BABAM2: variants seen among roughly 807,000 people sequenced by gnomAD.
BABAM2 encodes BRISC and BRCA1-A complex member 2.
Under a neutral mutation model 54.7 loss-of-function variants are expected in BABAM2, and 31 were observed. That is an observed-to-expected ratio of 0.57 (90% CI 0.43 to 0.77). The LOEUF is 0.77. Among genes scored for constraint, BABAM2 ranks in the 30% least tolerant of loss-of-function variants. BABAM2 has a pLI of 0.00. For synonymous variants in BABAM2, 167 were observed against 162.9 expected (o/e 1.03, Z -0.19); for missense variants, 364 against 455.8 (o/e 0.80, Z 1.83).
At chr2:28,120,361 A>G (rs1340341151) in intron 6 of BABAM2, among the ~76,000 whole-genome samples, 1 of 152,212 alleles carries the variant, frequency 6.6e-6, no homozygotes, top group African/African-American at 2.4e-5. Flanking sequence ...TCTTTCCTGC[A>G]TGTGAGTTTC....
At chr2:28,068,109 A>G (rs1199890840) in intron 6 of BABAM2, among the ~76,000 whole-genome samples, 1 of 152,160 alleles carries the variant, frequency 6.6e-6, no homozygotes, top group East Asian at 1.9e-4. Flanking sequence ...TAAAAGAAAC[A>G]TAAAAGGGAA....
intron 7 of BABAM2, among the ~76,000 whole-genome samples, chr2:28,191,047 T>C (rs1274428352): frequency 6.6e-6 from 1 of 151,752 alleles, no homozygotes; most frequent in Non-Finnish European, 1.5e-5. Flanking sequence ...GAGGAGAAAA[T>C]TGCAAAACAT....
At position 28,335,154 on chromosome 2, in the gene BABAM2, CTTTTTTTTTTTTT is replaced by C. The variant is rs56135926; in HGVS notation, c.1089-3281_1089-3269del. 4.2e-5 allele frequency among the ~76,000 whole-genome samples: 3 copies of C among 71,520 alleles called. 1 individual carries two copies. In the South Asian group the frequency reaches 1.8e-3, roughly 42 times the overall value. The allele number at this position is 71,520 out of a possible 152,430, so 46.9% of individuals were successfully genotyped here. A position where few individuals can be genotyped will look rare whatever the true frequency, so the allele number is the denominator to read the frequency against. On this transcript the variant is annotated intron_variant, in intron 11 of 11. Transcript: ENST00000379624. Reference sequence around the variant, plus strand: ...CTGGAGCTGCTGTCTCTCCCACCTTCTTTTTTTTTTTTTTTTTTTTTTTTTTTGAGACAGAGTC... The same window carrying C: ...CTGGAGCTGCTGTCTCTCCCACCTTCTTTTTTTTTTTTTTGAGACAGAGTC...
chr2:28,241,546 G>A (rs1372316524), intron 9 of BABAM2, among the ~76,000 whole-genome samples, 153 bp downstream of exon 9: 3 of 151,956 alleles, frequency 2.0e-5, no homozygotes, highest in Non-Finnish European at 4.4e-5. Flanking sequence ...CCAGGCTGGA[G>A]TGTAATGACA....
At chr2:28,229,636 G>A (rs1681196447) in intron 7 of BABAM2, among the ~76,000 whole-genome samples, 1 of 150,410 alleles carries the variant, frequency 6.6e-6, no homozygotes, top group Non-Finnish European at 1.5e-5. Context: ...CCAAGCTGGA[G>A]TACAGTGGCA....
intron 10 of BABAM2, among the ~76,000 whole-genome samples, chr2:28,266,456 C>A (rs1684996985): frequency 6.6e-6 from 1 of 152,220 alleles, no homozygotes; most frequent in African/African-American, 2.4e-5. Flanking sequence ...AGCTCTTCTT[C>A]ATTCATAAAT....
At chr2:28,338,326 C>G in intron 11 of BABAM2, 124 bp from the exon 12 acceptor site, 1 of 918,472 alleles carries the variant, frequency 1.1e-6, no homozygotes. Context: ...AAGGCAAATC[C>G]AACCCAAGAT....
At chr2:28,254,412 C>T (rs1452068150) in intron 10 of BABAM2, among the ~76,000 whole-genome samples, 1 of 152,098 alleles carries the variant, frequency 6.6e-6, no homozygotes, top group Admixed American at 6.5e-5. Flanking sequence ...GCTGGGATTA[C>T]AGGCATGAGC....
intron 10 of BABAM2, among the ~76,000 whole-genome samples, chr2:28,269,744 C>T (rs1379866804): frequency 6.6e-6 from 1 of 152,086 alleles, no homozygotes; most frequent in Non-Finnish European, 1.5e-5. Context: ...CTCCAGAGCC[C>T]ATAAAAGGGA....
intron 7 of BABAM2, among the ~76,000 whole-genome samples, chr2:28,182,778 A>G (rs1573775116): frequency 6.6e-6 from 1 of 152,332 alleles, no homozygotes; most frequent in East Asian, 1.9e-4. Flanking sequence ...ATAAATTGGA[A>G]GTTTATTTTC....
intron 7 of BABAM2, among the ~76,000 whole-genome samples, chr2:28,134,751 A>G (rs972869638): frequency 6.6e-6 from 1 of 152,198 alleles, no homozygotes; most frequent in Non-Finnish European, 1.5e-5. Context: ...CAGAAACCCA[A>G]TGAGAATCAA....
At chr2:28,220,648 A>T (rs1573870521) in intron 7 of BABAM2, among the ~76,000 whole-genome samples, 1 of 152,112 alleles carries the variant, frequency 6.6e-6, no homozygotes, top group East Asian at 1.9e-4. Context: ...CAAGGATACA[A>T]CTGGGTGTGG....
chr2:28,330,084 C>T (rs1004054067), intron 11 of BABAM2, among the ~76,000 whole-genome samples: 6 of 152,178 alleles, frequency 3.9e-5, no homozygotes, highest in South Asian at 2.1e-4. Flanking sequence ...ACAAAAACCA[C>T]ATGATTATCT....
chr2:27,900,532 A>G (rs1456655519), intron 2 of BABAM2, among the ~76,000 whole-genome samples: 1 of 152,162 alleles, frequency 6.6e-6, no homozygotes, highest in Admixed American at 6.5e-5. Context: ...CCTCCTTAAG[A>G]TCTATCTTCG....
intron 4 of BABAM2, among the ~76,000 whole-genome samples, chr2:28,009,420 A>G (rs548468188): frequency 1.2e-4 from 19 of 152,268 alleles, no homozygotes; most frequent in African/African-American, 4.3e-4. Context: ...TTAAAATATT[A>G]ATTATTAATA....
At chr2:27,966,277 AAT>A (rs1198205105) in intron 3 of BABAM2, among the ~76,000 whole-genome samples, 4 of 152,226 alleles carry the variant, frequency 2.6e-5, no homozygotes, top group African/African-American at 7.2e-5. Flanking sequence ...ACTATTTGGT[AAT>A]CCTGAGTACA....
chr2:27,933,707 C>A (rs1209931834), intron 3 of BABAM2, among the ~76,000 whole-genome samples: 1 of 151,482 alleles, frequency 6.6e-6, no homozygotes, highest in Non-Finnish European at 1.5e-5. Context: ...TCATCATCTG[C>A]CTGCTTCAGC....
chr2:28,196,183 T>C (rs954816385), intron 7 of BABAM2, among the ~76,000 whole-genome samples: 3 of 151,956 alleles, frequency 2.0e-5, no homozygotes, highest in African/African-American at 4.8e-5. Flanking sequence ...AAAAATTAGC[T>C]GGGCATGGTG....
chr2:28,246,897 T>C (rs1682964770), intron 10 of BABAM2, among the ~76,000 whole-genome samples: 1 of 152,216 alleles, frequency 6.6e-6, no homozygotes, highest in Non-Finnish European at 1.5e-5. Context: ...CATTCAGTAA[T>C]GTAGCTATTG....
Sources: gnomAD v4.1 joint callset for allele counts (sites outside exome capture counted in the v4.1 genomes callset) on GRCh38, gnomAD v4.1.1 for gene constraint, MANE v1.5 for transcripts, NCBI Gene and HGNC (gene_info 2026-07-23, HGNC 2026-07-21) for gene names.